The following ATOH8 variants were observed in gnomAD, a reference collection of about 807,000 sequenced individuals.
ATOH8 encodes the protein transcription factor ATOH8.
Under a neutral mutation model 21.2 loss-of-function variants are expected in ATOH8, and 9 were observed. That is an observed-to-expected ratio of 0.42 (90% CI 0.26 to 0.74). The LOEUF is 0.74. ATOH8 is among the 30% of genes least tolerant of loss of function. ATOH8 has a pLI of 0.24. For missense variants in ATOH8, 524 were observed against 470.9 expected (o/e 1.11, Z -1.04); for synonymous variants, 253 against 224.0 (o/e 1.13, Z -1.16).
In ATOH8 at chr2:85,788,148, C is replaced by G. The variant is rs1330231285; in HGVS notation, c.*1258C>G. On this transcript the variant is annotated 3_prime_UTR_variant, in exon 3 of 3. Coordinates refer to ENST00000306279, the MANE Select transcript of ATOH8 (RefSeq NM_032827.7). Reference sequence around the variant, plus strand: ...GGAGTGTGAGGGAGGGGGTTGGTTTCTACCTACAGGTTGAGAGCCCTTCAG... The same window carrying G: ...GGAGTGTGAGGGAGGGGGTTGGTTTGTACCTACAGGTTGAGAGCCCTTCAG... 2.0e-5 allele frequency: 3 copies of G among 152,214 alleles called. No individual in the cohort carries two copies. The highest frequency in any genetic ancestry group is 4.8e-5 in the African/African-American group (2 of 41,416). 9.4% of individuals were successfully genotyped at this position (152,214 alleles called of 1,614,324 possible).
At chr2:85,776,646 T>C (rs569748285) in intron 2 of ATOH8, among the ~76,000 whole-genome samples, 2 of 152,308 alleles carry the variant, frequency 1.3e-5, no homozygotes, top group South Asian at 4.1e-4. Flanking sequence ...CGATTTCCCA[T>C]GCACATGGGA....
chr2:85,767,266 T>A (rs1391393413), intron 2 of ATOH8, among the ~76,000 whole-genome samples: 1 of 152,106 alleles, frequency 6.6e-6, no homozygotes, highest in African/African-American at 2.4e-5. Flanking sequence ...ATTATTTCTG[T>A]GAAAAGACTT....
In ATOH8 at chr2:85,785,576, T is replaced by TG. The variant is rs1680605009; in HGVS notation, c.961-1308dup. On this transcript the variant is annotated intron_variant, in intron 2 of 2. Transcript: ENST00000306279. The surrounding 1 kb of genome is among the most constrained non-coding windows in gnomAD (Gnocchi z 4.1). ...CCGGCCCACGGGGCTCACCAGGGCCTGTGGTTAGCAGGCCCTCCACGTCGT... is the reference window on the plus strand; with the variant it reads ...CCGGCCCACGGGGCTCACCAGGGCCTGGTGGTTAGCAGGCCCTCCACGTCGT... 6.6e-6 allele frequency among the ~76,000 whole-genome samples: 1 copy of TG among 152,184 alleles called. No homozygotes were observed. The highest frequency in any genetic ancestry group is 1.5e-5 in the Non-Finnish European group (1 of 68,030).
At chr2:85,769,115 G>A (rs1680105779) in intron 2 of ATOH8, among the ~76,000 whole-genome samples, 1 of 152,162 alleles carries the variant, frequency 6.6e-6, no homozygotes, top group South Asian at 2.1e-4. Context: ...GGGCTGGGTG[G>A]GCCACCCCCA....
At chr2:85,776,810 A>T (rs1680336802) in intron 2 of ATOH8, among the ~76,000 whole-genome samples, 1 of 152,040 alleles carries the variant, frequency 6.6e-6, no homozygotes, top group Non-Finnish European at 1.5e-5. Context: ...CAGCTCTGGG[A>T]GTGAGCCGTT....
intron 2 of ATOH8, among the ~76,000 whole-genome samples, chr2:85,768,793 G>T (rs79271088): frequency 1.3e-5 from 2 of 152,156 alleles, no homozygotes; most frequent in Non-Finnish European, 2.9e-5. Context: ...TGCATTCCTT[G>T]GCCAGTGAAT....
chr2:85,775,198 T>C (rs962506981), intron 2 of ATOH8: 1 of 982,266 alleles, frequency 1.0e-6, no homozygotes, highest in Non-Finnish European at 1.2e-6. Flanking sequence ...ATTAAATGCC[T>C]GTGTCTCTGG....
rs1396628855 is a variant in ATOH8 at position 85,754,406 on chromosome 2, C to A, written c.217C>A (p.Pro73Thr). The change falls in exon 1 of 3, where the codon CCG becomes ACG. Residue 73 changes from proline to threonine, a missense_variant. Coordinates refer to ENST00000306279, the MANE Select transcript of ATOH8 (RefSeq NM_032827.7). Reference protein sequence around the residue: ...RTHRLQPVPVPVPVPVPVAPA... With the variant: ...RTHRLQPVPVTVPVPVPVAPA... ...CCATCGGCTGCAGCCGGTCCCGGTA[C>A]CGGTGCCGGTGCCAGTCCCAGTGGC... 7 of 1,566,360 alleles carry A rather than the reference C, an allele frequency of 4.5e-6. No individual in the cohort carries two copies. Among genetic ancestry groups the A allele is most frequent in the Admixed American group, 1.8e-5 (1 of 54,300 alleles).
Position 85,757,373 on chromosome 2 carries a change from C to T in ATOH8, c.768+2416C>T, listed in dbSNP as rs555326210. On this transcript the variant is annotated intron_variant, in intron 1 of 2. Coordinates refer to ENST00000306279, the MANE Select transcript of ATOH8 (RefSeq NM_032827.7). ...TCAGTCTTCTCTGTAAAATGTACTC[C>T]GCACCCCCTCCCCGAATCCAGACGA... 2.6e-5 allele frequency among the ~76,000 whole-genome samples: 4 copies of T among 152,324 alleles called. No individual in the cohort carries two copies. The South Asian group carries it at 8.3e-4, about 32-fold the overall frequency.
In ATOH8 at chr2:85,764,188, C is replaced by T. The variant is rs1344342475; in HGVS notation, c.960+6C>T. 2 of 1,613,370 alleles carry T rather than the reference C, an allele frequency of 1.2e-6. No homozygotes were observed. Among genetic ancestry groups the T allele is most frequent in the Non-Finnish European group, 1.7e-6 (2 of 1,179,566 alleles). On this transcript the variant is annotated splice_donor_region_variant and intron_variant, in intron 2 of 2. Transcript: ENST00000306279. The stretch of plus-strand genomic sequence containing the variant: ...GACGTGCCAAGAAGCGCAAGGTATG[C>T]ACCAGCTGGGTGGGCGGTAGCTTCT...
In ATOH8 at chr2:85,790,358, C is replaced by A. The variant is rs911489288; in HGVS notation, c.*3468C>A. Among the ~76,000 whole-genome samples the A allele has an allele frequency of 2.6e-5, 4 of 152,220 alleles. No individual in the cohort carries two copies. Among genetic ancestry groups the A allele is most frequent in the Non-Finnish European group, 5.9e-5 (4 of 68,050 alleles). On this transcript the variant is annotated 3_prime_UTR_variant, in exon 3 of 3. Coordinates refer to ENST00000306279, the MANE Select transcript of ATOH8 (RefSeq NM_032827.7). ...TGCCAGCCTCCTGCTCTCTGCAGAACAAAACCAGAAGGAATGGCTCTGGGA... is the reference window on the plus strand; with the variant it reads ...TGCCAGCCTCCTGCTCTCTGCAGAAAAAAACCAGAAGGAATGGCTCTGGGA...
chr2:85,772,410 GC>G (rs1296519406), intron 2 of ATOH8, among the ~76,000 whole-genome samples: 3 of 151,822 alleles, frequency 2.0e-5, no homozygotes, highest in East Asian at 1.9e-4. Context: ...GGCCGCCGCG[GC>G]CCCCCCTCCT....
intron 2 of ATOH8, among the ~76,000 whole-genome samples, chr2:85,775,374 T>G (rs576812306): frequency 6.6e-6 from 1 of 152,300 alleles, no homozygotes; most frequent in East Asian, 1.9e-4. Context: ...AACTAGGGGC[T>G]TTAGGACACA....
intron 1 of ATOH8, chr2:85,760,623 A>T (rs1679842304): frequency 6.6e-6 from 1 of 152,218 alleles, no homozygotes; most frequent in Admixed American, 6.5e-5. Context: ...TTTTCTGTAA[A>T]GTGGAAGTGA....
chr2:85,762,307 C>T lies in ATOH8; in HGVS notation c.769-1684C>T, dbSNP rs1029207115. Among the ~76,000 whole-genome samples the T allele has an allele frequency of 7.9e-5, 12 of 152,196 alleles. No individual in the cohort carries two copies. The East Asian group carries it at 9.6e-4, about 12-fold the overall frequency. ...GTTGAATCCACGTGACAAAAAGATA[C>T]GCTTAGCTTTATGCCAGATAGCTTC... On this transcript the variant is annotated intron_variant, in intron 1 of 2. Transcript: ENST00000306279.
At chr2:85,771,513 C>T (rs72928938) in intron 2 of ATOH8, among the ~76,000 whole-genome samples, 9,562 of 152,168 alleles carry the variant, frequency 0.063, 890 homozygotes, top group East Asian at 0.24. Flanking sequence ...GATGAATGAC[C>T]GACCAGCCAA....
rs1177258125 is a variant in ATOH8 at position 85,790,640 on chromosome 2, G to A, written c.*3750G>A. ...ACCAAGTTCCCCTTTCTCACAGCTA[G>A]TGGAGGCATGAGTAGGCAGGTCCCA... On this transcript the variant is annotated 3_prime_UTR_variant, in exon 3 of 3. Coordinates refer to ENST00000306279, the MANE Select transcript of ATOH8 (RefSeq NM_032827.7). Among the ~76,000 whole-genome samples the A allele has an allele frequency of 6.6e-6, 1 of 152,190 alleles. No homozygotes were observed. The highest frequency in any genetic ancestry group is 2.1e-4 in the South Asian group (1 of 4,830).
chr2:85,757,782 T>C (rs1679754403), intron 1 of ATOH8, among the ~76,000 whole-genome samples: 1 of 121,260 alleles, frequency 8.2e-6, no homozygotes, highest in African/African-American at 3.0e-5. Context: ...ATTTCTTTCA[T>C]TTCATTTTTT....
chr2:85,787,071 C>A lies in ATOH8; in HGVS notation c.*181C>A. 2 of 724,358 alleles carry A rather than the reference C, an allele frequency of 2.8e-6. No homozygotes were observed. The highest frequency in any genetic ancestry group is 4.5e-6 in the Non-Finnish European group (2 of 445,380). 44.9% of individuals were successfully genotyped at this position (724,358 alleles called of 1,614,324 possible). ...GCCTCCCTCTCCCCTCCGCCCTCAC[C>A]CAGCCAATCCGAGGCTGCTTCGCAC... On this transcript the variant is annotated 3_prime_UTR_variant, in exon 3 of 3. Coordinates refer to ENST00000306279, the MANE Select transcript of ATOH8 (RefSeq NM_032827.7).
Sources: allele counts gnomAD v4.1 joint callset (sites outside exome capture counted in the v4.1 genomes callset), GRCh38; gene constraint gnomAD v4.1.1; non-coding constraint Gnocchi (gnomAD v3.1); transcripts MANE v1.5; gene names NCBI Gene and HGNC (gene_info 2026-07-23, HGNC 2026-07-21).